CSMD2: variants seen among roughly 807,000 people sequenced by gnomAD.
The protein encoded by CSMD2 is CUB and sushi domain-containing protein 2.
CSMD2 carries 130 observed loss-of-function variants against 398.5 expected under a neutral mutation model. That is an observed-to-expected ratio of 0.33 (90% CI 0.28 to 0.38). The LOEUF (loss-of-function observed/expected upper bound fraction) is 0.38. Ranked by LOEUF, CSMD2 falls within the 10% of genes least tolerant of loss-of-function variation. The probability of loss-of-function intolerance (pLI) is 1.00; values close to 1 mark genes in which losing one functional copy is unlikely to be tolerated. For missense variants in CSMD2, 3,829 were observed against 4,764.9 expected, an observed-to-expected ratio of 0.80 and a Z score of 5.78; for synonymous variants, 1,828 against 1,908.5, an observed-to-expected ratio of 0.96 and a Z score of 1.10.
At chr1:34,064,834 G>A (rs977729813) in intron 2 of CSMD2, among the ~76,000 whole-genome samples, 7 of 152,130 alleles carry the variant, frequency 4.6e-5, no homozygotes, top group African/African-American at 1.7e-4. Context: ...GTTCCACATG[G>A]CGGGGGAGGC....
At chr1:33,932,712 G>A (rs930282006) in intron 4 of CSMD2, among the ~76,000 whole-genome samples, 1 of 152,070 alleles carries the variant, frequency 6.6e-6, no homozygotes. Context: ...TGGCTGGTGG[G>A]GTAACAAAAA....
In CSMD2 at chr1:33,527,817, C is replaced by T. The variant is rs190777100; in HGVS notation, c.10172-559G>A. Among the ~76,000 whole-genome samples the T allele has an allele frequency of 4.8e-3, 730 of 152,038 alleles. 3 individuals are homozygous for T. The highest frequency in any genetic ancestry group is 7.8e-3 in the Non-Finnish European group (532 of 67,978). On this transcript the variant is annotated intron_variant, in intron 64 of 70. Transcript: ENST00000373381. ...CCAAGTGCACAGACTCCCTGAATGT[C>T]CTCATTGAAAACTTTGCGGAGGCTG...
intron 42 of CSMD2, among the ~76,000 whole-genome samples, chr1:33,603,217 G>T (rs571923287): frequency 5.3e-5 from 8 of 152,248 alleles, no homozygotes; most frequent in African/African-American, 1.9e-4. Flanking sequence ...GGACGCATTT[G>T]CTATGTAGAT....
At chr1:34,052,747 G>A (rs1210845641) in intron 2 of CSMD2, among the ~76,000 whole-genome samples, 1 of 152,086 alleles carries the variant, frequency 6.6e-6, no homozygotes. Flanking sequence ...TCAGTGCCTG[G>A]TACACAGTGG....
chr1:33,887,802 G>A (rs944363401), intron 5 of CSMD2, among the ~76,000 whole-genome samples: 26 of 151,986 alleles, frequency 1.7e-4, no homozygotes, highest in African/African-American at 5.6e-4. Context: ...GCATCCATGT[G>A]GGAAAGAAGA....
chr1:34,016,541 G>A (rs563157347), intron 3 of CSMD2, among the ~76,000 whole-genome samples: 11 of 152,116 alleles, frequency 7.2e-5, no homozygotes, highest in African/African-American at 1.9e-4. Flanking sequence ...ACAGTGTGGC[G>A]ATTCCTCAAG....
At chr1:33,545,047 C>T (rs1486869200) in intron 57 of CSMD2, among the ~76,000 whole-genome samples, 1 of 152,062 alleles carries the variant, frequency 6.6e-6, no homozygotes, top group East Asian at 1.9e-4. Context: ...AATGATCCCC[C>T]CACCTTAAGT....
At chr1:33,870,020 C>A (rs1212145804) in intron 5 of CSMD2, among the ~76,000 whole-genome samples, 4 of 152,188 alleles carry the variant, frequency 2.6e-5, no homozygotes, top group Non-Finnish European at 5.9e-5. Context: ...CCGGGCCACA[C>A]AGCAGCATAG....
At chr1:34,004,227 G>A (rs1267677511) in intron 3 of CSMD2, among the ~76,000 whole-genome samples, 1 of 152,232 alleles carries the variant, frequency 6.6e-6, no homozygotes, top group Non-Finnish European at 1.5e-5. Context: ...ACAGGACTGA[G>A]AGATGAATGA....
intron 54 of CSMD2, among the ~76,000 whole-genome samples, chr1:33,558,786 C>T (rs1410130187): frequency 6.6e-6 from 1 of 152,062 alleles, no homozygotes; most frequent in Non-Finnish European, 1.5e-5. Flanking sequence ...CCAGCCCTCA[C>T]CCCCTTTATC....
intron 55 of CSMD2, among the ~76,000 whole-genome samples, chr1:33,555,995 T>G (rs1471043665): frequency 6.6e-6 from 1 of 151,940 alleles, no homozygotes; most frequent in African/African-American, 2.4e-5. Context: ...CTTTGATGGG[T>G]TCAAGACTTC....
At chr1:33,552,885 T>G (rs1044119089) in intron 55 of CSMD2, among the ~76,000 whole-genome samples, 1 of 152,150 alleles carries the variant, frequency 6.6e-6, no homozygotes, top group Non-Finnish European at 1.5e-5. Flanking sequence ...TACACTAAAA[T>G]CACTGAATTG....
chr1:34,148,245 T>C (rs1459205414), intron 1 of CSMD2, among the ~76,000 whole-genome samples: 1 of 152,212 alleles, frequency 6.6e-6, no homozygotes, highest in Admixed American at 6.5e-5. Context: ...ACAGTGGCTT[T>C]CAAACCAAAG....
chr1:33,825,591 T>A (rs1033719483), intron 7 of CSMD2, 106 bp downstream of exon 7: 4 of 1,002,126 alleles, frequency 4.0e-6, no homozygotes, highest in Non-Finnish European at 6.1e-6. Context: ...GAAGCAGGGT[T>A]GAAGGAAAGT....
intron 43 of CSMD2, 108 bp downstream of exon 43, chr1:33,602,261 C>T: frequency 8.1e-7 from 1 of 1,229,586 alleles, no homozygotes; most frequent in African/African-American, 1.5e-5. Context: ...CTTTAAAAAC[C>T]ATTCACCTCT....
chr1:33,688,043 A>G (rs763795363), intron 25 of CSMD2, among the ~76,000 whole-genome samples: 5 of 152,252 alleles, frequency 3.3e-5, no homozygotes, highest in South Asian at 2.1e-4. Flanking sequence ...TATAATATCT[A>G]GAAGAAAATT....
intron 14 of CSMD2, among the ~76,000 whole-genome samples, chr1:33,742,580 C>CGCG (rs60545889): frequency 3.6e-5 from 4 of 111,172 alleles, no homozygotes; most frequent in South Asian, 7.1e-4. Context: ...AGCTTCTGCC[C>CGCG]CCCCCCCCCC....
intron 3 of CSMD2, among the ~76,000 whole-genome samples, chr1:34,014,650 T>G (rs1647828094): frequency 6.6e-6 from 1 of 152,230 alleles, no homozygotes; most frequent in Admixed American, 6.5e-5. Context: ...GTTGTCTGAT[T>G]TTTTATCTGT....
chr1:34,090,086 T>C (rs1183718098), intron 1 of CSMD2, among the ~76,000 whole-genome samples: 1 of 152,220 alleles, frequency 6.6e-6, no homozygotes, highest in African/African-American at 2.4e-5. Flanking sequence ...CTTGTTAATT[T>C]ACTGCTCAGT....
Sources: allele counts gnomAD v4.1 joint callset (sites outside exome capture counted in the v4.1 genomes callset), GRCh38; gene constraint gnomAD v4.1.1; transcripts MANE v1.5; gene names NCBI Gene and HGNC (gene_info 2026-07-23, HGNC 2026-07-21).